NSMCE2: variants seen among roughly 807,000 people sequenced by gnomAD.
NSMCE2 encodes the protein E3 SUMO-protein ligase NSE2.
A neutral mutation model predicts 23.8 loss-of-function variants in NSMCE2; 24 were observed. That is an observed-to-expected ratio of 1.01 (90% confidence interval 0.73 to 1.42). The LOEUF (loss-of-function observed/expected upper bound fraction) is 1.42, where lower values mean the gene tolerates loss of function less well. Among genes scored for constraint, NSMCE2 ranks in the 40% most tolerant of loss-of-function variants. The pLI is 0.00. For synonymous variants in NSMCE2, 92 were observed against 94.1 expected (o/e 0.98, Z 0.13); for missense variants, 284 against 296.5 (o/e 0.96, Z 0.31).
chr8:125,119,792 A>G (rs752422887), intron 3 of NSMCE2, among the ~76,000 whole-genome samples: 4 of 152,178 alleles, frequency 2.6e-5, no homozygotes, highest in African/African-American at 9.6e-5. Context: ...CAACTTGATT[A>G]TTCTAGAGAA....
intron 5 of NSMCE2, among the ~76,000 whole-genome samples, chr8:125,236,904 A>G (rs1410791156): frequency 6.6e-6 from 1 of 151,916 alleles, no homozygotes; most frequent in Non-Finnish European, 1.5e-5. Context: ...CCTACTAAAT[A>G]CTGGTACATA....
chr8:125,366,582 C>A (rs1813805564), intron 7 of NSMCE2, among the ~76,000 whole-genome samples, 186 bp from the exon 8 acceptor site: 1 of 152,120 alleles, frequency 6.6e-6, no homozygotes, highest in Non-Finnish European at 1.5e-5. Context: ...TCGCTTGTGT[C>A]CCCAGCACCC....
intron 4 of NSMCE2, among the ~76,000 whole-genome samples, chr8:125,171,109 A>G (rs545968864): frequency 6.6e-6 from 1 of 152,106 alleles, no homozygotes; most frequent in East Asian, 1.9e-4. Context: ...TCTGGTTCAG[A>G]TGTCGTCTTT....
intron 5 of NSMCE2, among the ~76,000 whole-genome samples, chr8:125,335,083 G>A (rs1830027633): frequency 6.6e-6 from 1 of 152,058 alleles, no homozygotes; most frequent in East Asian, 1.9e-4. Flanking sequence ...GAAGCAATCT[G>A]GAAAGAAGTC....
rs951595956 is a variant in NSMCE2, at chr8:125,366,091, C to T, written c.627-677C>T. On this transcript the variant is annotated intron_variant, in intron 7 of 7. Coordinates refer to ENST00000287437, the MANE Select transcript of NSMCE2 (RefSeq NM_173685.4). The stretch of plus-strand genomic sequence containing the variant: ...GGTCCTGCCCTAGATAAGATGTGTT[C>T]GGTGAGGCATGCCCTGAGTCCAGCC... Among the ~76,000 whole-genome samples, 74 of 152,076 alleles carry T rather than the reference C, an allele frequency of 4.9e-4. 3 individuals are homozygous for T. The highest frequency in any genetic ancestry group is 5.8e-4 in the East Asian group (3 of 5,174).
intron 5 of NSMCE2, among the ~76,000 whole-genome samples, chr8:125,208,391 A>G (rs16900439): frequency 0.013 from 1,960 of 152,336 alleles, 36 homozygotes; most frequent in African/African-American, 0.045. Flanking sequence ...GAATAGAGAA[A>G]AAGAAACATG....
intron 5 of NSMCE2, among the ~76,000 whole-genome samples, chr8:125,275,183 T>C (rs1156245267): frequency 2.0e-5 from 3 of 152,044 alleles, no homozygotes; most frequent in Non-Finnish European, 4.4e-5. Flanking sequence ...ATCCTTTTCC[T>C]GTCCATAGGA....
chr8:125,196,681 C>T (rs953838127), intron 5 of NSMCE2, among the ~76,000 whole-genome samples: 4 of 152,112 alleles, frequency 2.6e-5, no homozygotes, highest in Admixed American at 2.0e-4. Flanking sequence ...TGTGTCTTTA[C>T]GGTAGCATGA....
rs143712812 is a variant in NSMCE2, at chr8:125,259,582, A to C, written c.418+77326A>C. Reference sequence around the variant, plus strand: ...TCCATGAAACCGGCCCCTGGCACCAAAAGTTGGAGACAACTGCAGTAGCGT... The same window carrying C: ...TCCATGAAACCGGCCCCTGGCACCACAAGTTGGAGACAACTGCAGTAGCGT... On this transcript the variant is annotated intron_variant, in intron 5 of 7. Coordinates refer to ENST00000287437, the MANE Select transcript of NSMCE2 (RefSeq NM_173685.4). 1.4e-4 allele frequency among the ~76,000 whole-genome samples: 21 copies of C among 152,274 alleles called. No homozygotes were observed. The East Asian group carries it at 4.0e-3, about 29-fold the overall frequency.
intron 5 of NSMCE2, among the ~76,000 whole-genome samples, chr8:125,326,938 A>G (rs541265465): frequency 6.9e-6 from 1 of 144,932 alleles, no homozygotes; most frequent in Non-Finnish European, 1.5e-5. Flanking sequence ...CCTGGGTGAC[A>G]TGAGCAAAAC....
At chr8:125,112,611 A>C (rs1818818917) in intron 3 of NSMCE2, among the ~76,000 whole-genome samples, 1 of 152,216 alleles carries the variant, frequency 6.6e-6, no homozygotes, top group African/African-American at 2.4e-5. Flanking sequence ...AATCTGGAAG[A>C]TGTTTTGCTA....
At chr8:125,177,737 G>A (rs572542675) in intron 4 of NSMCE2, among the ~76,000 whole-genome samples, 21 of 152,196 alleles carry the variant, frequency 1.4e-4, no homozygotes, top group Non-Finnish European at 2.8e-4. Context: ...CAAAGGACAA[G>A]CACTTCTCTA....
At chr8:125,168,581 C>T (rs1188971782) in intron 4 of NSMCE2, among the ~76,000 whole-genome samples, 1 of 152,198 alleles carries the variant, frequency 6.6e-6, no homozygotes, top group Non-Finnish European at 1.5e-5. Flanking sequence ...CACCTTCTGG[C>T]TATATCCTCA....
intron 4 of NSMCE2, among the ~76,000 whole-genome samples, chr8:125,170,415 T>TTTTTTTTTTTTTTTA (rs1199459816): frequency 3.2e-5 from 3 of 93,198 alleles, no homozygotes; most frequent in African/African-American, 1.2e-4. Context: ...TTTTTTTTTT[T>TTTTTTTTTTTTTTTA]AAGACAGAGT....
chr8:125,182,133 G>A lies in NSMCE2; in HGVS notation c.295G>A (p.Asp99Asn). The A allele has an allele frequency of 6.2e-7, 1 of 1,601,120 alleles. No individual in the cohort carries two copies. The highest frequency in any genetic ancestry group is 8.5e-7 in the Non-Finnish European group (1 of 1,175,488). ...VKEERPEKIPDLKLLVEKKFL... is the reference protein window; with the variant it reads ...VKEERPEKIPNLKLLVEKKFL... The stretch of plus-strand genomic sequence containing the variant: ...AGAAGAACGTCCAGAAAAAATACCA[G>A]ATTTAAAATTATTGGTAGAGAAGAA... The change falls in exon 5 of 8, where the codon GAT becomes AAT. Residue 99 changes from aspartate to asparagine, a missense_variant. Transcript: ENST00000287437.
intron 5 of NSMCE2, among the ~76,000 whole-genome samples, chr8:125,311,672 A>C (rs1316350726): frequency 4.6e-5 from 7 of 152,260 alleles, no homozygotes; most frequent in Admixed American, 4.6e-4. Flanking sequence ...ATTTCCCCTT[A>C]ACTATTTTGG....
At chr8:125,296,211 T>G (rs554765704) in intron 5 of NSMCE2, among the ~76,000 whole-genome samples, 1 of 152,308 alleles carries the variant, frequency 6.6e-6, no homozygotes, top group Non-Finnish European at 1.5e-5. Flanking sequence ...AATTTAGTGT[T>G]GTCATGTGCA....
chr8:125,188,420 G>A (rs1460132845), intron 5 of NSMCE2, among the ~76,000 whole-genome samples: 1 of 152,182 alleles, frequency 6.6e-6, no homozygotes, highest in African/African-American at 2.4e-5. Flanking sequence ...GTGCTTGAGA[G>A]CTTCTGTGCT....
chr8:125,358,450 T>C (rs1036795301), intron 7 of NSMCE2, among the ~76,000 whole-genome samples: 1 of 150,160 alleles, frequency 6.7e-6, no homozygotes, highest in African/African-American at 2.4e-5. Flanking sequence ...ATATGTTATA[T>C]ATTGTTTTAT....
Sources: gnomAD v4.1 joint callset for allele counts (sites outside exome capture counted in the v4.1 genomes callset) on GRCh38, gnomAD v4.1.1 for gene constraint, MANE v1.5 for transcripts, NCBI Gene and HGNC (gene_info 2026-07-23, HGNC 2026-07-21) for gene names.